The following MICAL2 variants were observed in gnomAD, a reference collection of about 807,000 sequenced individuals.
MICAL2 encodes the protein [F-actin]-monooxygenase MICAL2.
A neutral mutation model predicts 127.3 loss-of-function variants in MICAL2; 77 were observed. The ratio of observed to expected loss-of-function variants is 0.60; its 90% CI spans 0.50 to 0.73. The LOEUF is 0.73. MICAL2 is among the 30% of genes least tolerant of loss of function. MICAL2 has a pLI of 0.00. For missense variants in MICAL2, 1,351 were observed against 1,434.4 expected (o/e 0.94, Z 0.94); for synonymous variants, 570 against 551.1 (o/e 1.03, Z -0.48).
intron 3 of MICAL2, among the ~76,000 whole-genome samples, chr11:12,182,511 G>A (rs1456337553): frequency 6.6e-6 from 1 of 152,120 alleles, no homozygotes; most frequent in East Asian, 1.9e-4. Flanking sequence ...GATTCCTAGC[G>A]ATAGGAAATT....
intron 26 of MICAL2, chr11:12,261,072 G>T (rs3812746): frequency 0.25 from 241,950 of 985,310 alleles, 30,053 homozygotes; most frequent in South Asian, 0.31. Flanking sequence ...GCTGTGCAGG[G>T]TCCATATTGG....
chr11:12,111,965 C>T lies in MICAL2; in HGVS notation c.-149+1239C>T, dbSNP rs11022180. On this transcript the variant is annotated intron_variant, in intron 1 of 27. Coordinates refer to ENST00000683283, the MANE Select transcript of MICAL2 (RefSeq NM_001282663.2). Reference sequence around the variant, plus strand: ...TCACTTTCTTCATGCAGAGAGAAGACGGACTTATTAAGTGCCTACTGGGCA... The same window carrying T: ...TCACTTTCTTCATGCAGAGAGAAGATGGACTTATTAAGTGCCTACTGGGCA... Among the ~76,000 whole-genome samples, 1,094 of 152,330 alleles carry T rather than the reference C, an allele frequency of 7.2e-3. 8 individuals carry two copies. The highest frequency in any genetic ancestry group is 0.024 in the African/African-American group (1,006 of 41,574).
At chr11:12,343,776 C>A (rs552022343) in intron 32 of MICAL2, among the ~76,000 whole-genome samples, 1 of 152,030 alleles carries the variant, frequency 6.6e-6, no homozygotes, top group African/African-American at 2.4e-5. Flanking sequence ...ATGTTAGATA[C>A]GAGGAAAGGC....
chr11:12,342,003 A>G (rs1483147730), intron 32 of MICAL2, among the ~76,000 whole-genome samples: 1 of 152,212 alleles, frequency 6.6e-6, no homozygotes, highest in African/African-American at 2.4e-5. Flanking sequence ...ATTAATAAAA[A>G]GTCACTTTGT....
rs546373933 is a variant in MICAL2, at chr11:12,150,829, C to T, written c.-77-11250C>T. Among the ~76,000 whole-genome samples, 985 of 152,178 alleles carry T rather than the reference C, an allele frequency of 6.5e-3. 4 individuals are homozygous for T. The highest frequency in any genetic ancestry group is 9.1e-3 in the Non-Finnish European group (621 of 68,008). On this transcript the variant is annotated intron_variant, in intron 2 of 27. Coordinates refer to ENST00000683283, the MANE Select transcript of MICAL2 (RefSeq NM_001282663.2). ...TACCATAGCAGAGAGTTGGTTAAGGCGAGGATGAGCTACCCTCAACTTTTA... is the reference window on the plus strand; with the variant it reads ...TACCATAGCAGAGAGTTGGTTAAGGTGAGGATGAGCTACCCTCAACTTTTA...
intron 15 of MICAL2, among the ~76,000 whole-genome samples, chr11:12,228,708 G>C (rs990012056): frequency 6.6e-6 from 1 of 152,170 alleles, no homozygotes; most frequent in Admixed American, 6.5e-5. Flanking sequence ...GCGCTTCTAC[G>C]GGATGGGCCC....
At chr11:12,345,541 G>A (rs1938941003) in intron 32 of MICAL2, among the ~76,000 whole-genome samples, 1 of 152,202 alleles carries the variant, frequency 6.6e-6, no homozygotes, top group South Asian at 2.1e-4. Context: ...AATCTCAGGA[G>A]AAATGTGTCA....
chr11:12,125,039 AG>A (rs1455785715), intron 1 of MICAL2, among the ~76,000 whole-genome samples: 3 of 152,192 alleles, frequency 2.0e-5, no homozygotes, highest in Non-Finnish European at 4.4e-5. Flanking sequence ...CTCTCTGCAA[AG>A]CCAGGCTTAG....
intron 15 of MICAL2, among the ~76,000 whole-genome samples, chr11:12,233,133 G>T (rs1375804146): frequency 6.6e-6 from 1 of 152,180 alleles, no homozygotes; most frequent in Non-Finnish European, 1.5e-5. Context: ...CATGGATGAG[G>T]GGAGACTACT....
rs1854968549 is a variant in MICAL2, at chr11:12,208,157, T to C, written c.589+18T>C. ...AAATCAAAGTACAGTATAATTTTCT[T>C]TTTCTGCCTAGAAAGCAGATACTAC... On this transcript the variant is annotated intron_variant, in intron 5 of 27. Transcript: ENST00000683283. 6.3e-7 allele frequency: 1 copy of C among 1,581,510 alleles called. No homozygotes were observed. Among genetic ancestry groups the C allele is most frequent in the Admixed American group, 1.7e-5 (1 of 59,838 alleles).
At chr11:12,327,434 G>A (rs773036608) in intron 32 of MICAL2, among the ~76,000 whole-genome samples, 7 of 152,210 alleles carry the variant, frequency 4.6e-5, no homozygotes, top group African/African-American at 7.2e-5. Flanking sequence ...ATTGTTTCTC[G>A]GCCTTTTGGC....
chr11:12,191,501 C>G (rs1443292396), intron 3 of MICAL2, among the ~76,000 whole-genome samples: 1 of 149,266 alleles, frequency 6.7e-6, no homozygotes, highest in Non-Finnish European at 1.5e-5. Context: ...AGGCCAGATG[C>G]ACCTGCAATC....
chr11:12,288,813 T>TC (rs1863858789), downstream of MICAL2, among the ~76,000 whole-genome samples: 1 of 152,184 alleles, frequency 6.6e-6, no homozygotes, highest in Non-Finnish European at 1.5e-5. Context: ...ATTTGAGCCT[T>TC]GCAAAACCTC....
chr11:12,305,799 C>G (rs1455603056), intron 29 of MICAL2, among the ~76,000 whole-genome samples: 3 of 152,090 alleles, frequency 2.0e-5, no homozygotes, highest in Non-Finnish European at 4.4e-5. Context: ...TTCAATTTTT[C>G]TTAATGTTTT....
At chr11:12,149,408 T>G (rs1264994343) in intron 2 of MICAL2, among the ~76,000 whole-genome samples, 1 of 152,146 alleles carries the variant, frequency 6.6e-6, no homozygotes, top group African/African-American at 2.4e-5. Flanking sequence ...GTGCACATTT[T>G]TGAAATAAAG....
chr11:12,316,756 C>A (rs1001935465), intron 29 of MICAL2, among the ~76,000 whole-genome samples: 3 of 152,074 alleles, frequency 2.0e-5, no homozygotes, highest in African/African-American at 7.2e-5. Context: ...TGTTTTGTTT[C>A]TTTAATTAAG....
chr11:12,156,890 G>A (rs1007183412), intron 2 of MICAL2, among the ~76,000 whole-genome samples: 10 of 152,262 alleles, frequency 6.6e-5, no homozygotes, highest in Non-Finnish European at 1.2e-4. Context: ...GCGAGTGTGG[G>A]GGGAACACCC....
chr11:12,160,086 A>T (rs1333390030), intron 2 of MICAL2, among the ~76,000 whole-genome samples: 1 of 152,158 alleles, frequency 6.6e-6, no homozygotes, highest in Non-Finnish European at 1.5e-5. Flanking sequence ...CAAGCCAAGC[A>T]TAGTGCCAGG....
At chr11:12,156,889 G>A (rs1854247821) in intron 2 of MICAL2, among the ~76,000 whole-genome samples, 1 of 152,260 alleles carries the variant, frequency 6.6e-6, no homozygotes, top group African/African-American at 2.4e-5. Flanking sequence ...TGCGAGTGTG[G>A]GGGGAACACC....
Sources: gnomAD v4.1 joint callset for allele counts (sites outside exome capture counted in the v4.1 genomes callset) on GRCh38, gnomAD v4.1.1 for gene constraint, MANE v1.5 for transcripts, NCBI Gene and HGNC (gene_info 2026-07-23, HGNC 2026-07-21) for gene names.